GRK7: variants seen among roughly 807,000 people sequenced by gnomAD.
GRK7 encodes the protein rhodopsin kinase GRK7.
GRK7 carries 24 observed loss-of-function variants against 34.1 expected under a neutral mutation model. The ratio of observed to expected loss-of-function variants is 0.70; its 90% CI spans 0.51 to 0.99. The LOEUF is 0.99. Among genes scored for constraint, GRK7 ranks in the 50% least tolerant of loss-of-function variants. The probability of loss-of-function intolerance (pLI) is 0.00; values close to 1 mark genes in which losing one functional copy is unlikely to be tolerated. For missense variants in GRK7, 644 were observed against 707.3 expected, an observed-to-expected ratio of 0.91 and a Z score of 1.02; for synonymous variants, 256 against 279.4, an observed-to-expected ratio of 0.92 and a Z score of 0.84.
At chr3:141,785,518 C>T (rs566779626) in intron 4 of GRK7, among the ~76,000 whole-genome samples, 10 of 152,252 alleles carry the variant, frequency 6.6e-5, no homozygotes, top group Admixed American at 5.9e-4. Flanking sequence ...TAATCCCACA[C>T]TTTGGGAGGC....
intron 1 of GRK7, among the ~76,000 whole-genome samples, chr3:141,771,214 CGTGTGTGTGT>C (rs67606208): frequency 4.7e-5 from 7 of 150,120 alleles, no homozygotes; most frequent in African/African-American, 1.7e-4. Context: ...TGTGTGTGCA[CGTGTGTGTGT>C]GTGTGTGTAC....
At chr3:141,804,642 CAT>C (rs200480490) in intron 4 of GRK7, among the ~76,000 whole-genome samples, 3,579 of 151,848 alleles carry the variant, frequency 0.024, 116 homozygotes, top group African/African-American at 0.082. Context: ...CACTCACACA[CAT>C]GCACATATAC....
At chr3:141,777,322 C>CTTTTTTTTTTTTGTTTTTT (rs2084644249) in intron 2 of GRK7, among the ~76,000 whole-genome samples, 1 of 52,872 alleles carries the variant, frequency 1.9e-5, no homozygotes, top group Non-Finnish European at 3.4e-5. Flanking sequence ...GATGGCCCCT[C>CTTTTTTTTTTTTGTTTTTT]TTTTTTTTTT....
In GRK7 at chr3:141,780,222, G is replaced by A. The variant is rs187402849; in HGVS notation, c.613-152G>A. On this transcript the variant is annotated intron_variant, in intron 3 of 5. Transcript: ENST00000682958. ...TGAGGTGAAGGAGTATCGCACTGTA[G>A]TCCCCACTTTTTCTTGAGAACACTT... is the stretch of plus-strand genomic sequence containing the variant. The A allele has an allele frequency of 4.6e-6, 3 of 652,802 alleles. No individual in the cohort carries two copies. In the Admixed American group the frequency reaches 8.8e-5, roughly 19 times the overall value. The allele number at this position is 652,802 out of a possible 1,614,324, so 40.4% of individuals were successfully genotyped here.
At position 141,817,056 on chromosome 3, in the gene GRK7, T is replaced by C. The variant is rs1236229366; in HGVS notation, c.*6T>C. 4 of 1,577,308 alleles carry C rather than the reference T, an allele frequency of 2.5e-6. No homozygotes were observed. The highest frequency in any genetic ancestry group is 1.4e-5 in the African/African-American group (1 of 73,944). The stretch of plus-strand genomic sequence containing the variant: ...GCGTGTGTTTGTTATTGTAAATTGC[T>C]CTCTTTACCAGACAGGCAGCAGGAG... On this transcript the variant is annotated 3_prime_UTR_variant, in exon 6 of 6. Coordinates refer to ENST00000682958, the MANE Select transcript of GRK7 (RefSeq NM_139209.3).
chr3:141,814,809 A>G (rs1274614743), intron 5 of GRK7, among the ~76,000 whole-genome samples: 1 of 152,154 alleles, frequency 6.6e-6, no homozygotes, highest in Admixed American at 6.6e-5. Flanking sequence ...ACTGCTTTCC[A>G]GAATGGCTGA....
intron 4 of GRK7, among the ~76,000 whole-genome samples, chr3:141,803,742 G>T (rs1710995751): frequency 6.6e-6 from 1 of 152,064 alleles, no homozygotes; most frequent in Non-Finnish European, 1.5e-5. Context: ...CCTCCCCCAA[G>T]ACGGAGTCTT....
intron 4 of GRK7, among the ~76,000 whole-genome samples, chr3:141,796,055 G>A (rs769779085): frequency 2.6e-5 from 4 of 152,136 alleles, no homozygotes; most frequent in Non-Finnish European, 4.4e-5. Flanking sequence ...TAGATCATGC[G>A]CAGCTGATGA....
chr3:141,750,224 G>A, the GRK7 span, among the ~76,000 whole-genome samples: 1 of 152,146 alleles, frequency 6.6e-6, no homozygotes, highest in Non-Finnish European at 1.5e-5. Flanking sequence ...CAGAATGGGA[G>A]TAAGCTTTGC....
At position 141,805,568 on chromosome 3, in the gene GRK7, C is replaced by G. The variant is rs1208241835; in HGVS notation, c.1051-2077C>G. 2.0e-5 allele frequency among the ~76,000 whole-genome samples: 3 copies of G among 152,216 alleles called. No homozygotes were observed. In the East Asian group the frequency reaches 5.8e-4, roughly 29 times the overall value. ...GGTCACCCAAATTATATACCAGCTT[C>G]TCTGAAAACAGCACTGCCATGCTGA... On this transcript the variant is annotated intron_variant, in intron 4 of 5. Transcript: ENST00000682958.
intron 1 of GRK7, among the ~76,000 whole-genome samples, chr3:141,766,740 C>A (rs1210297708): frequency 5.3e-5 from 8 of 152,094 alleles, no homozygotes; most frequent in Non-Finnish European, 1.0e-4. Context: ...ATTTCTTTTG[C>A]TTTTTGTTTG....
At chr3:141,803,416 T>C (rs1378898440) in intron 4 of GRK7, among the ~76,000 whole-genome samples, 1 of 139,180 alleles carries the variant, frequency 7.2e-6, no homozygotes, top group African/African-American at 3.3e-5. Context: ...GCGACAGATG[T>C]CTCAAAAAAA....
upstream of GRK7, among the ~76,000 whole-genome samples, chr3:141,762,792 A>G (rs1006919912): frequency 2.6e-5 from 4 of 152,206 alleles, no homozygotes; most frequent in African/African-American, 9.6e-5. Flanking sequence ...TCCGTGGGGT[A>G]GGACCCTCCG....
chr3:141,760,038 C>A (rs1236056112), upstream of GRK7, among the ~76,000 whole-genome samples: 12 of 134,956 alleles, frequency 8.9e-5, no homozygotes. Flanking sequence ...CTATTTGATT[C>A]TTCTCTCTTT....
At chr3:141,773,443 T>A (rs1028940133) in intron 1 of GRK7, among the ~76,000 whole-genome samples, 11 of 152,094 alleles carry the variant, frequency 7.2e-5, no homozygotes, top group African/African-American at 2.7e-4. Context: ...AATCTGCATA[T>A]TAGAAAAGCA....
At chr3:141,802,569 C>T (rs1710981598) in intron 4 of GRK7, among the ~76,000 whole-genome samples, 1 of 152,136 alleles carries the variant, frequency 6.6e-6, no homozygotes, top group African/African-American at 2.4e-5. Context: ...CCTCACATAC[C>T]TTCCTACATT....
In GRK7 at chr3:141,807,894, A is replaced by T; in HGVS notation, c.1300A>T (p.Lys434Ter). The change falls in exon 5 of 6, where the codon AAA becomes TAA. Residue 434 changes from lysine to a stop codon, truncating the protein, a stop_gained. Coordinates refer to ENST00000682958, the MANE Select transcript of GRK7 (RefSeq NM_139209.3). LOFTEE classifies it low-confidence loss of function (END_TRUNC). ...TATTTGCAGGCTCTTCTTGGCTAAG[A>T]AACCAGAGCAACGCTTAGGAAGCAG... ...KDICRLFLAK[K>*]PEQRLGSREK... 1 of 1,600,048 alleles carries T rather than the reference A, an allele frequency of 6.2e-7. No homozygotes were observed. Among genetic ancestry groups the T allele is most frequent in the Non-Finnish European group, 8.5e-7 (1 of 1,172,220 alleles).
intron 3 of GRK7, among the ~76,000 whole-genome samples, chr3:141,779,422 AAAAAGAAAGAAAG>A (rs1358080805): frequency 1.1e-3 from 167 of 151,754 alleles, no homozygotes; most frequent in South Asian, 8.1e-3. Context: ...AAAAAAAAAA[AAAAAGAAAGAAAG>A]AAAAGAAAGA....
At chr3:141,804,856 C>T (rs966473189) in intron 4 of GRK7, among the ~76,000 whole-genome samples, 6 of 151,706 alleles carry the variant, frequency 4.0e-5, no homozygotes, top group East Asian at 1.9e-4. Flanking sequence ...TACACATACA[C>T]GCTCTCATAC....
Sources: gnomAD v4.1 joint callset for allele counts (sites outside exome capture counted in the v4.1 genomes callset) on GRCh38, gnomAD v4.1.1 for gene constraint, MANE v1.5 for transcripts, NCBI Gene and HGNC (gene_info 2026-07-23, HGNC 2026-07-21) for gene names.